The following TP53I13 variants were observed in gnomAD, a reference collection of about 807,000 sequenced individuals.
TP53I13 encodes tumor protein p53-inducible protein 13.
TP53I13 carries 27 observed loss-of-function variants against 39.1 expected under a neutral mutation model. That is an observed-to-expected ratio of 0.69 (90% CI 0.51 to 0.95). The LOEUF is 0.95. Ranked by LOEUF, TP53I13 falls within the 40% of genes least tolerant of loss-of-function variation. The pLI, the probability that TP53I13 is intolerant of heterozygous loss-of-function variation, is 0.00. For missense variants in TP53I13, 544 were observed against 520.4 expected (o/e 1.05, Z -0.44); for synonymous variants, 230 against 224.6 (o/e 1.02, Z -0.22).
chr17:29,570,287 C>T (rs1184938791), intron 3 of TP53I13, among the ~76,000 whole-genome samples: 1 of 148,210 alleles, frequency 6.7e-6, no homozygotes, highest in Non-Finnish European at 1.5e-5. Context: ...GCGGGTGGAA[C>T]ACCTGAGGTC....
At chr17:29,576,456 G>T (rs561423835), downstream of TP53I13, 1 of 1,612,550 alleles carries the variant, frequency 6.2e-7, no homozygotes, top group African/African-American at 1.3e-5. Context: ...TGGATCTATG[G>T]GTGCAAAGTG....
chr17:29,581,715 GCC>G, the TP53I13 span: 1 of 1,583,184 alleles, frequency 6.3e-7, no homozygotes, highest in Non-Finnish European at 8.6e-7. The surrounding 1 kb of genome is among the most constrained non-coding windows in gnomAD (Gnocchi z 4.8). Flanking sequence ...GCCTGTCACA[GCC>G]AGGCGCCCCC....
the TP53I13 span, among the ~76,000 whole-genome samples, chr17:29,580,281 C>T: frequency 4.6e-5 from 7 of 152,210 alleles, no homozygotes; most frequent in African/African-American, 1.7e-4. Flanking sequence ...TACACATGCA[C>T]GCATGCACAC....
At chr17:29,578,630 GAA>G in the TP53I13 span, 2 of 1,123,638 alleles carry the variant, frequency 1.8e-6, no homozygotes, top group South Asian at 2.5e-5. Flanking sequence ...CAAAGACTTG[GAA>G]AAGGTCATCG....
intron 2 of TP53I13, 30 bp from the exon 3 acceptor site, chr17:29,569,288 C>T (rs1219011824): frequency 6.2e-7 from 1 of 1,612,456 alleles, no homozygotes; most frequent in South Asian, 1.1e-5. Flanking sequence ...CCCCCAACTG[C>T]CCTAAGCTCT....
upstream of TP53I13, chr17:29,566,313 C>A (rs1462200292): frequency 2.5e-6 from 4 of 1,611,710 alleles, no homozygotes; most frequent in South Asian, 3.3e-5. Context: ...TGTATGTGAC[C>A]GCCTCCTTGA....
downstream of TP53I13, chr17:29,577,001 G>A (rs754398662): frequency 1.2e-6 from 2 of 1,603,652 alleles, no homozygotes; most frequent in East Asian, 2.2e-5. Flanking sequence ...GGTTGTCTGA[G>A]GACACAGGAG....
the TP53I13 span, chr17:29,581,383 G>A: frequency 6.2e-7 from 1 of 1,611,460 alleles, no homozygotes; most frequent in Non-Finnish European, 8.5e-7. The surrounding 1 kb of genome is among the most constrained non-coding windows in gnomAD (Gnocchi z 4.8). Context: ...CTTGTGATCT[G>A]AACAAAAATA....
downstream of TP53I13, chr17:29,577,705 T>A (rs769240664): frequency 8.7e-6 from 14 of 1,612,866 alleles, no homozygotes; most frequent in Non-Finnish European, 1.1e-5. Flanking sequence ...CACTGCGCTC[T>A]GTCACCAGAG....
rs2032812979 is a variant in TP53I13 at position 29,568,895 on chromosome 17, T to C, written c.72+65T>C. 6.3e-7 allele frequency: 1 copy of C among 1,599,128 alleles called. No homozygotes were observed. Among genetic ancestry groups the C allele is most frequent in the Non-Finnish European group, 8.5e-7 (1 of 1,177,746 alleles). ...CTCAAAGCGCTTTGCCAAAAGTTCG[T>C]CCTGGAAGGAGTGGCGCGCCGAGGG... is the stretch of plus-strand genomic sequence containing the variant. On this transcript the variant is annotated intron_variant, in intron 1 of 6. Coordinates refer to ENST00000301057, the MANE Select transcript of TP53I13 (RefSeq NM_138349.4). The surrounding 1 kb of genome is among the most constrained non-coding windows in gnomAD (Gnocchi z 4.5).
chr17:29,577,613 A>C (rs763553118), downstream of TP53I13: 2 of 1,394,362 alleles, frequency 1.4e-6, no homozygotes, highest in Admixed American at 3.3e-5. Context: ...GATGAAGTAG[A>C]CCACCCCAGG....
chr17:29,570,021 C>G (rs952951427), intron 3 of TP53I13: 11 of 152,012 alleles, frequency 7.2e-5, no homozygotes, highest in African/African-American at 2.7e-4. Flanking sequence ...AATTCTTATG[C>G]CACAGCCTCC....
Position 29,571,585 on chromosome 17 carries a change from C to T in TP53I13, c.184-6C>T. On this transcript the variant is annotated splice_polypyrimidine_tract_variant and splice_region_variant and intron_variant, in intron 3 of 6. Coordinates refer to ENST00000301057, the MANE Select transcript of TP53I13 (RefSeq NM_138349.4). ...CTGCTTTGATGTCTCTGTGCCTTTC[C>T]TCCAGGCTGAGGATGTCACCTTCCT... 1 of 1,613,002 alleles carries T rather than the reference C, an allele frequency of 6.2e-7. No individual in the cohort carries two copies. Among genetic ancestry groups the T allele is most frequent in the East Asian group, 2.2e-5 (1 of 44,882 alleles).
chr17:29,579,976 C>T, the TP53I13 span, among the ~76,000 whole-genome samples: 1 of 152,160 alleles, frequency 6.6e-6, no homozygotes, highest in Non-Finnish European at 1.5e-5. Flanking sequence ...TCGTCTCTAT[C>T]CCAGTCTTGC....
At chr17:29,566,395 A>G (rs759609923), upstream of TP53I13, 8 of 1,611,466 alleles carry the variant, frequency 5.0e-6, no homozygotes, top group South Asian at 2.2e-5. Flanking sequence ...GCGGCGATGG[A>G]AGATGACCGG....
upstream of TP53I13, chr17:29,566,389 C>A (rs200715985): frequency 5.0e-6 from 8 of 1,610,858 alleles, no homozygotes; most frequent in Admixed American, 5.0e-5. Flanking sequence ...GTGGCCGCGG[C>A]GATGGAAGAT....
Position 29,572,850 on chromosome 17 carries a change from G to C in TP53I13, c.1108G>C (p.Val370Leu), listed in dbSNP as rs1178699217. ...GAGGCTGCTGCAGCCCTCGCGCCGG[G>C]TCAAGCGCTCGCGCCGGAGACCCCT... Reference protein sequence around the residue: ...KRRLLQPSRRVKRSRRRPLLP... With the variant: ...KRRLLQPSRRLKRSRRRPLLP... The change falls in exon 7 of 7, where the codon GTC (valine) becomes CTC (leucine). Residue 370 changes from valine (V) to leucine (L), a missense_variant. Transcript: ENST00000301057. 1.3e-6 allele frequency: 2 copies of C among 1,525,028 alleles called. No homozygotes were observed. The highest frequency in any genetic ancestry group is 4.0e-5 in the Admixed American group (2 of 50,224). The allele number at this position is 1,525,028 out of a possible 1,614,324, so 94.5% of individuals were successfully genotyped here. A position where few individuals can be genotyped will look rare whatever the true frequency, so the allele number is the denominator to read the frequency against.
In TP53I13 at chr17:29,569,218, C is replaced by T. The variant is rs555559818; in HGVS notation, c.142-100C>T. 394 of 1,501,760 alleles carry T rather than the reference C, an allele frequency of 2.6e-4. 2 individuals are homozygous for T. The African/African-American group carries it at 5.1e-3, about 19-fold the overall frequency. The allele number at this position is 1,501,760 out of a possible 1,614,324, so 93.0% of individuals were successfully genotyped here. ...TTCCTCAGTCCTCAGTAGCCAACTT[C>T]TCCATCCCAGCCTGGCGCTTGGGGC... On this transcript the variant is annotated intron_variant, in intron 2 of 6. Coordinates refer to ENST00000301057, the MANE Select transcript of TP53I13 (RefSeq NM_138349.4).
rs749059663 is a variant in TP53I13, at chr17:29,572,542, C to G, written c.914C>G (p.Pro305Arg). 5.6e-6 allele frequency: 9 copies of G among 1,605,942 alleles called. No homozygotes were observed. In the Admixed American group the frequency reaches 8.5e-5, roughly 15 times the overall value. ...APPRAARGPT[P>R]RTEEAAWAAM... The stretch of plus-strand genomic sequence containing the variant: ...CCACGGGCAGCCCGGGGCCCCACCC[C>G]ACGCACTGAAGAGGCCGCCTGGGCT... Residue 305 changes from proline to arginine, a missense_variant, in exon 6 of 7, where the codon CCA becomes CGA. Transcript: ENST00000301057.
Sources: gnomAD v4.1 joint callset for allele counts (sites outside exome capture counted in the v4.1 genomes callset) on GRCh38, gnomAD v4.1.1 for gene constraint, Gnocchi (gnomAD v3.1) non-coding constraint, MANE v1.5 for transcripts, NCBI Gene and HGNC (gene_info 2026-07-23, HGNC 2026-07-21) for gene names.